Variants in SLC39A12 observed in about 807,000 individuals in gnomAD.
SLC39A12 encodes zinc transporter ZIP12.
A neutral mutation model predicts 71.1 loss-of-function variants in SLC39A12; 63 were observed. That is an observed-to-expected ratio of 0.89 (90% CI 0.72 to 1.09). The LOEUF (loss-of-function observed/expected upper bound fraction) is 1.09. Among genes scored for constraint, SLC39A12 ranks in the 50% least tolerant of loss-of-function variants. SLC39A12 has a pLI of 0.00. For synonymous variants in SLC39A12, 351 were observed against 301.3 expected (o/e 1.16, Z -1.71); for missense variants, 892 against 812.6 (o/e 1.10, Z -1.19).
At chr10:17,982,537 A>G (rs184731079) in intron 6 of SLC39A12, among the ~76,000 whole-genome samples, 8 of 152,300 alleles carry the variant, frequency 5.3e-5, no homozygotes, top group African/African-American at 1.9e-4. Flanking sequence ...TGTAACATCA[A>G]GTGGCCTAAT....
chr10:17,964,107 AG>A (rs150772806), intron 3 of SLC39A12, among the ~76,000 whole-genome samples: 1,525 of 152,260 alleles, frequency 0.01, 27 homozygotes, highest in African/African-American at 0.034. Flanking sequence ...CCCCACGCAA[AG>A]GACTTCAGGG....
chr10:18,017,404 A>T (rs1020824186), intron 12 of SLC39A12, among the ~76,000 whole-genome samples: 3 of 152,038 alleles, frequency 2.0e-5, no homozygotes, highest in Non-Finnish European at 2.9e-5. Context: ...TGCCTCCTGG[A>T]TTCAAGCAAT....
At chr10:17,977,845 T>C in intron 4 of SLC39A12, 57 bp from the exon 5 acceptor site, 1 of 1,265,224 alleles carries the variant, frequency 7.9e-7, no homozygotes. Flanking sequence ...TGTGAAATTG[T>C]GACTATTCGG....
intron 4 of SLC39A12, among the ~76,000 whole-genome samples, chr10:17,973,670 C>A (rs1835032762): frequency 6.6e-6 from 1 of 151,972 alleles, no homozygotes; most frequent in African/African-American, 2.4e-5. Context: ...CTTTCTTTAT[C>A]TTTGATCTTT....
At chr10:17,992,978 GT>G (rs1835592888) in intron 8 of SLC39A12, among the ~76,000 whole-genome samples, 2 of 152,248 alleles carry the variant, frequency 1.3e-5, no homozygotes, top group African/African-American at 2.4e-5. Flanking sequence ...TAAAAAGACA[GT>G]GTAAAAACTA....
At chr10:17,998,202 C>G (rs998084754) in intron 10 of SLC39A12, among the ~76,000 whole-genome samples, 2 of 152,150 alleles carry the variant, frequency 1.3e-5, no homozygotes, top group Non-Finnish European at 2.9e-5. Context: ...TTATATTTGC[C>G]TGTGGCTTGT....
At chr10:18,009,165 G>T (rs773920634) in intron 12 of SLC39A12, among the ~76,000 whole-genome samples, 2 of 152,086 alleles carry the variant, frequency 1.3e-5, no homozygotes, top group Non-Finnish European at 2.9e-5. Flanking sequence ...TTTAGATCCT[G>T]CCAAAATGGT....
intron 2 of SLC39A12, among the ~76,000 whole-genome samples, chr10:17,957,921 G>A (rs1416896741): frequency 6.6e-6 from 1 of 152,142 alleles, no homozygotes; most frequent in Non-Finnish European, 1.5e-5. Context: ...GATTTAGCAG[G>A]CCTCAAAAAA....
At chr10:18,017,631 T>G (rs1391903584) in intron 12 of SLC39A12, among the ~76,000 whole-genome samples, 3 of 152,204 alleles carry the variant, frequency 2.0e-5, no homozygotes, top group Non-Finnish European at 4.4e-5. Flanking sequence ...CCAGCACCAT[T>G]TTTTGAAAAG....
chr10:18,014,886 A>G (rs1836332228), intron 12 of SLC39A12, among the ~76,000 whole-genome samples: 1 of 152,212 alleles, frequency 6.6e-6, no homozygotes, highest in African/African-American at 2.4e-5. Context: ...CACAGCTGTG[A>G]AGGGACAACC....
chr10:18,028,223 C>T (rs938094799), intron 12 of SLC39A12, among the ~76,000 whole-genome samples: 6 of 152,278 alleles, frequency 3.9e-5, no homozygotes, highest in South Asian at 2.1e-4. Flanking sequence ...TCATAGGAGA[C>T]GTCTCTAAAT....
intron 3 of SLC39A12, among the ~76,000 whole-genome samples, chr10:17,963,275 G>A (rs1338987824): frequency 2.6e-5 from 4 of 152,274 alleles, no homozygotes; most frequent in African/African-American, 7.2e-5. Flanking sequence ...TACAACATCT[G>A]TGTAATCCAA....
intron 12 of SLC39A12, among the ~76,000 whole-genome samples, chr10:18,011,217 G>A (rs1175978482): frequency 3.3e-5 from 5 of 152,036 alleles, no homozygotes; most frequent in Admixed American, 1.3e-4. Flanking sequence ...AGCCTCTGGA[G>A]TAGCTGGGAT....
chr10:17,976,158 G>T (rs1835104188), intron 4 of SLC39A12, among the ~76,000 whole-genome samples: 1 of 152,156 alleles, frequency 6.6e-6, no homozygotes, highest in Non-Finnish European at 1.5e-5. Flanking sequence ...ATTTTAGTTT[G>T]TATGAAGGTG....
intron 5 of SLC39A12, among the ~76,000 whole-genome samples, chr10:17,980,754 A>C (rs1051604725): frequency 6.6e-6 from 1 of 152,208 alleles, no homozygotes; most frequent in Non-Finnish European, 1.5e-5. Flanking sequence ...GGGTTATGCC[A>C]ATTGAGAGAG....
At chr10:17,978,096 T>G in intron 5 of SLC39A12, 22 bp downstream of exon 5, 4 of 1,528,360 alleles carry the variant, frequency 2.6e-6, no homozygotes, top group Non-Finnish European at 3.5e-6. Flanking sequence ...GTTTCTCTTA[T>G]TCAAGCATTT....
intron 6 of SLC39A12, among the ~76,000 whole-genome samples, chr10:17,984,941 A>G (rs1365765801): frequency 6.6e-6 from 1 of 152,234 alleles, no homozygotes; most frequent in Non-Finnish European, 1.5e-5. Context: ...TCTTCTGAGT[A>G]TACTGCCAAC....
intron 4 of SLC39A12, among the ~76,000 whole-genome samples, chr10:17,975,702 G>A (rs554382453): frequency 5.5e-4 from 83 of 152,152 alleles, no homozygotes; most frequent in Non-Finnish European, 1.1e-3. Context: ...CACTGTCGAA[G>A]TCCAGTGTCT....
intron 12 of SLC39A12, among the ~76,000 whole-genome samples, chr10:18,029,024 C>T (rs1836761272): frequency 6.9e-6 from 1 of 143,978 alleles, no homozygotes. Context: ...CCCACCAAAA[C>T]TTTTTTTTTT....
Sources: allele counts gnomAD v4.1 joint callset (sites outside exome capture counted in the v4.1 genomes callset), GRCh38; gene constraint gnomAD v4.1.1; transcripts MANE v1.5; gene names NCBI Gene and HGNC (gene_info 2026-07-23, HGNC 2026-07-21).